Variants in SORCS1 observed in about 807,000 individuals in gnomAD.
The protein encoded by SORCS1 is VPS10 domain-containing receptor SorCS1.
In SORCS1, 60 loss-of-function variants were observed where a neutral mutation model predicts 146.1. That is an observed-to-expected ratio of 0.41 (90% CI 0.33 to 0.51). The LOEUF is 0.51. Among genes scored for constraint, SORCS1 ranks in the 20% least tolerant of loss-of-function variants. SORCS1 has a pLI of 0.21. For missense variants in SORCS1, 1,352 were observed against 1,487.6 expected (o/e 0.91, Z 1.50); for synonymous variants, 637 against 584.0 (o/e 1.09, Z -1.31).
At chr10:106,916,583 C>T (rs1308227516) in intron 2 of SORCS1, among the ~76,000 whole-genome samples, 3 of 147,554 alleles carry the variant, frequency 2.0e-5, no homozygotes, top group African/African-American at 7.4e-5. Context: ...TATACACACA[C>T]ACACACACAC....
intron 16 of SORCS1, among the ~76,000 whole-genome samples, chr10:106,670,419 C>A (rs1010459988): frequency 1.3e-5 from 2 of 152,326 alleles, no homozygotes; most frequent in South Asian, 2.1e-4. Context: ...TTTATCACTA[C>A]GTTCACCGAG....
At chr10:106,878,356 T>A (rs1209802170) in intron 2 of SORCS1, among the ~76,000 whole-genome samples, 3 of 151,692 alleles carry the variant, frequency 2.0e-5, no homozygotes, top group Non-Finnish European at 2.9e-5. Flanking sequence ...CACCCTAAAA[T>A]TCATATGTTG....
chr10:106,625,777 A>G (rs546937457), intron 19 of SORCS1, among the ~76,000 whole-genome samples: 3 of 152,176 alleles, frequency 2.0e-5, no homozygotes, highest in South Asian at 4.2e-4. Flanking sequence ...TTTGTCCCCA[A>G]TTTCTGTTCT....
chr10:107,101,833 T>C (rs1964945540), intron 1 of SORCS1, among the ~76,000 whole-genome samples: 1 of 151,976 alleles, frequency 6.6e-6, no homozygotes, highest in South Asian at 2.1e-4. Context: ...ATAACTGAAA[T>C]GTCTTTAAGT....
chr10:106,860,623 G>A (rs1804120346), intron 2 of SORCS1, among the ~76,000 whole-genome samples: 3 of 152,200 alleles, frequency 2.0e-5, no homozygotes, highest in Admixed American at 2.0e-4. Context: ...ACATGGCCTA[G>A]ATTCAAACTC....
chr10:107,177,570 AT>A, the SORCS1 span, among the ~76,000 whole-genome samples: 2 of 152,340 alleles, frequency 1.3e-5, no homozygotes, highest in Non-Finnish European at 1.5e-5. Flanking sequence ...TGTACAGTAT[AT>A]TTCAAAATTG....
chr10:107,007,378 C>T (rs111322422), intron 1 of SORCS1, among the ~76,000 whole-genome samples: 34 of 152,264 alleles, frequency 2.2e-4, no homozygotes, highest in African/African-American at 6.7e-4. Flanking sequence ...GCCTTAAAAC[C>T]GAGCTGCCAT....
intron 12 of SORCS1, among the ~76,000 whole-genome samples, chr10:106,678,537 T>C (rs1218696131): frequency 1.3e-5 from 2 of 152,190 alleles, no homozygotes; most frequent in African/African-American, 4.8e-5. Context: ...GTGCTAGTTA[T>C]TGTATGATAA....
chr10:106,718,201 C>A (rs547008399), intron 6 of SORCS1, among the ~76,000 whole-genome samples: 1 of 152,100 alleles, frequency 6.6e-6, no homozygotes, highest in African/African-American at 2.4e-5. Context: ...GTGTGTTTTG[C>A]GAGAAAGTCC....
Position 107,164,214 on chromosome 10 carries a change from A to G in SORCS1, c.313T>C (p.Ser105Pro). The G allele has an allele frequency of 6.2e-7, 1 of 1,608,092 alleles. No individual in the cohort carries two copies. ...GCTCCGCTCCGTCTCCTCCGGCCGG[A>G]GCGTGCAGCAACCGCCATGGATGCC... Reference protein sequence around the residue: ...TGASMAVAARSGRRRRSGADQ... With the variant: ...TGASMAVAARPGRRRRSGADQ... Residue 105 changes from serine to proline, a missense_variant, in exon 1 of 26, where the codon TCC becomes CCC. By Grantham distance (74) the Ser-to-Pro change is moderately conservative. Around this residue, in one of 3 missense-constraint regions of SORCS1, gnomAD observed 490 missense variants for 489.1 expected, o/e 1.00. Coordinates refer to ENST00000263054, the MANE Select transcript of SORCS1 (RefSeq NM_052918.5). The surrounding 1 kb of genome is among the most constrained non-coding windows in gnomAD (Gnocchi z 6.8).
intron 23 of SORCS1, among the ~76,000 whole-genome samples, chr10:106,602,540 CACACACACACAA>C (rs1321550707): frequency 2.0e-5 from 3 of 150,828 alleles, no homozygotes; most frequent in Non-Finnish European, 4.4e-5. Flanking sequence ...CACACACACA[CACACACACACAA>C]ACACACACAC....
chr10:106,640,181 A>C (rs1848982457), intron 18 of SORCS1, among the ~76,000 whole-genome samples: 1 of 152,198 alleles, frequency 6.6e-6, no homozygotes, highest in Non-Finnish European at 1.5e-5. Flanking sequence ...AATTTTTATC[A>C]ACAGCCATCT....
intron 6 of SORCS1, among the ~76,000 whole-genome samples, chr10:106,710,855 A>T (rs2135851537): frequency 6.6e-6 from 1 of 152,198 alleles, no homozygotes; most frequent in East Asian, 1.9e-4. Flanking sequence ...CTACCACTTT[A>T]AAGACTCTTC....
intron 3 of SORCS1, among the ~76,000 whole-genome samples, chr10:106,797,674 T>C (rs1313505926): frequency 2.0e-5 from 3 of 152,146 alleles, no homozygotes; most frequent in African/African-American, 7.2e-5. Flanking sequence ...CTGAATATTA[T>C]TCAGTATCAT....
chr10:107,037,271 A>G (rs566997727), intron 1 of SORCS1, among the ~76,000 whole-genome samples: 1 of 152,264 alleles, frequency 6.6e-6, no homozygotes, highest in Admixed American at 6.5e-5. Flanking sequence ...ATTAGGAACC[A>G]AATATATGAA....
intron 9 of SORCS1, among the ~76,000 whole-genome samples, chr10:106,696,311 A>G (rs1452127803): frequency 6.6e-6 from 1 of 152,156 alleles, no homozygotes; most frequent in Non-Finnish European, 1.5e-5. Flanking sequence ...CTCATCATTC[A>G]TTGCAATTCT....
At chr10:106,844,670 C>T (rs1262796771) in intron 2 of SORCS1, among the ~76,000 whole-genome samples, 29 of 147,532 alleles carry the variant, frequency 2.0e-4, no homozygotes, top group Non-Finnish European at 3.6e-4. Context: ...CATGCTGGTG[C>T]GCTGCACCCA....
chr10:106,739,492 G>GAA (rs760438849), intron 5 of SORCS1, among the ~76,000 whole-genome samples: 2 of 116,082 alleles, frequency 1.7e-5, no homozygotes, highest in African/African-American at 3.3e-5. Flanking sequence ...GTCTCAAAAA[G>GAA]AAAAAAAAAA....
intron 1 of SORCS1, among the ~76,000 whole-genome samples, chr10:107,073,228 T>C (rs1006038081): frequency 3.3e-4 from 50 of 152,250 alleles, no homozygotes; most frequent in African/African-American, 1.2e-3. Flanking sequence ...CATAAAGAGA[T>C]GCAACTAATT....
Sources: gnomAD v4.1 joint callset for allele counts (sites outside exome capture counted in the v4.1 genomes callset) on GRCh38, gnomAD v4.1.1 for gene constraint, gnomAD v4.1.1 regional missense constraint, Gnocchi (gnomAD v3.1) non-coding constraint, MANE v1.5 for transcripts, NCBI Gene and HGNC (gene_info 2026-07-23, HGNC 2026-07-21) for gene names.